The following RGPD3 variants were observed in gnomAD, a reference collection of about 807,000 sequenced individuals.
RGPD3 encodes the protein ranBP2-like and GRIP domain-containing protein 3.
A neutral mutation model predicts 154.5 loss-of-function variants in RGPD3; 62 were observed. The ratio of observed to expected loss-of-function variants is 0.40; its 90% confidence interval spans 0.33 to 0.50. The LOEUF (loss-of-function observed/expected upper bound fraction) is 0.50. Ranked by LOEUF, RGPD3 falls within the 20% of genes least tolerant of loss-of-function variation. The pLI, the probability that RGPD3 is intolerant of heterozygous loss-of-function variation, is 0.59. For missense variants in RGPD3, 919 were observed against 1,716.8 expected, an observed-to-expected ratio of 0.54 and a Z score of 8.21; for synonymous variants, 308 against 607.0, an observed-to-expected ratio of 0.51 and a Z score of 7.24.
intron 20 of RGPD3, among the ~76,000 whole-genome samples, chr2:106,418,496 G>A (rs1676881839): frequency 6.6e-6 from 1 of 152,064 alleles, no homozygotes; most frequent in African/African-American, 2.4e-5. Flanking sequence ...ACAGTTAAGA[G>A]CCCAGAATCC....
chr2:106,467,984 G>C (rs1678687915), intron 1 of RGPD3, among the ~76,000 whole-genome samples: 2 of 141,472 alleles, frequency 1.4e-5, no homozygotes, highest in Non-Finnish European at 3.1e-5. Context: ...GGGCCAGGTC[G>C]AGGCCGGCGC....
Position 106,415,835 on chromosome 2 carries a change from G to A in RGPD3, c.5064+15C>T, listed in dbSNP as rs1471835955. ...AACTGGCAGTTTTTATGGTGGCCAG[G>A]TTTTCTGATCTCACCTTAATTTGCT... On this transcript the variant is annotated intron_variant, in intron 21 of 22. Transcript: ENST00000409886. 4 of 1,611,742 alleles carry A rather than the reference G, an allele frequency of 2.5e-6. No individual in the cohort carries two copies. The highest frequency in any genetic ancestry group is 1.7e-5 in the Admixed American group (1 of 59,978).
At chr2:106,409,519 C>T (rs1676607870) in intron 22 of RGPD3, among the ~76,000 whole-genome samples, 1 of 152,124 alleles carries the variant, frequency 6.6e-6, no homozygotes, top group Non-Finnish European at 1.5e-5. Flanking sequence ...TACACCAATG[C>T]TGTTGAGAAG....
At position 106,424,524 on chromosome 2, in the gene RGPD3, G is replaced by C. The variant is rs1677119844; in HGVS notation, c.3443C>G (p.Ala1148Gly). 6.2e-7 allele frequency: 1 copy of C among 1,606,320 alleles called. No individual in the cohort carries two copies. The part of the protein sequence containing the change: ...SDGDAKLERL[A>G]AKFKTPELAE... ...CAGCTCTGGTGTTTTAAATTTTGCT[G>C]CCAATCGCTCTAGTTTGGCATCACC... Residue 1148 changes from alanine (A) to glycine (G), a missense_variant, in exon 20 of 23, where the codon GCA (alanine) becomes GGA (glycine). Ala to Gly is a moderately conservative substitution (Grantham distance 60). Coordinates refer to ENST00000409886, the MANE Select transcript of RGPD3 (RefSeq NM_001144013.2).
chr2:106,438,521 C>T (rs1222823180), intron 9 of RGPD3, among the ~76,000 whole-genome samples: 13 of 149,098 alleles, frequency 8.7e-5, no homozygotes, highest in African/African-American at 3.2e-4. Context: ...GTGGCTCACA[C>T]CTGTAATCCC....
chr2:106,463,845 A>T (rs1400812628), intron 1 of RGPD3, among the ~76,000 whole-genome samples: 1 of 152,114 alleles, frequency 6.6e-6, no homozygotes, highest in Admixed American at 6.6e-5. Context: ...ACAACATACA[A>T]GCAAACCAAA....
intron 1 of RGPD3, among the ~76,000 whole-genome samples, chr2:106,466,325 C>G (rs1273684157): frequency 6.6e-6 from 1 of 151,072 alleles, no homozygotes; most frequent in African/African-American, 2.4e-5. Context: ...GGGAGCAGCG[C>G]CCGTCAGGAG....
At position 106,441,384 on chromosome 2, in the gene RGPD3, A is replaced by G; in HGVS notation, c.979-4T>C. On this transcript the variant is annotated splice_region_variant and splice_polypyrimidine_tract_variant and intron_variant, in intron 7 of 22. Coordinates refer to ENST00000409886, the MANE Select transcript of RGPD3 (RefSeq NM_001144013.2). ...ATTTAATCTTTGGTCTTGGAACCTA[A>G]TAATTTTAGAATCAAAAATCTTAAT... 2.1e-6 allele frequency: 3 copies of G among 1,451,300 alleles called. No homozygotes were observed. The highest frequency in any genetic ancestry group is 2.8e-6 in the Non-Finnish European group (3 of 1,075,854). 89.9% of individuals were successfully genotyped at this position (1,451,300 alleles called of 1,614,324 possible).
At position 106,403,761 on chromosome 2, in the gene RGPD3, A is replaced by G. The variant is rs1676429757; in HGVS notation, c.*1458T>C. Among the ~76,000 whole-genome samples the G allele has an allele frequency of 2.0e-5, 3 of 152,280 alleles. No homozygotes were observed. Among genetic ancestry groups the G allele is most frequent in the Non-Finnish European group, 2.9e-5 (2 of 68,052 alleles). Reference sequence around the variant, plus strand: ...TTAGGTCTGTTCTTCTAAGGAGGAAAGACGAGATATATGAGATATTTTTTA... The same window carrying G: ...TTAGGTCTGTTCTTCTAAGGAGGAAGGACGAGATATATGAGATATTTTTTA... On this transcript the variant is annotated 3_prime_UTR_variant, in exon 23 of 23. Coordinates refer to ENST00000409886, the MANE Select transcript of RGPD3 (RefSeq NM_001144013.2).
chr2:106,413,880 G>A (rs549032466), intron 21 of RGPD3, among the ~76,000 whole-genome samples: 27 of 152,252 alleles, frequency 1.8e-4, no homozygotes, highest in African/African-American at 4.6e-4. Context: ...ACTAACTGGA[G>A]CCATGGGTTG....
intron 1 of RGPD3, among the ~76,000 whole-genome samples, chr2:106,467,259 G>A (rs866857614): frequency 0.015 from 24 of 1,638 alleles, 2 homozygotes; most frequent in East Asian, 0.1. Flanking sequence ...CCGCCGGGCC[G>A]GGTCGAGGCC....
At chr2:106,411,219 GGT>G (rs1425115297) in intron 22 of RGPD3, among the ~76,000 whole-genome samples, 1 of 134,618 alleles carries the variant, frequency 7.4e-6, no homozygotes, top group Non-Finnish European at 1.6e-5. Flanking sequence ...TAGTTATTAG[GGT>G]TTACAGGGGA....
At chr2:106,412,007 G>A (rs1357566439) in intron 22 of RGPD3, among the ~76,000 whole-genome samples, 1 of 147,518 alleles carries the variant, frequency 6.8e-6, no homozygotes, top group Non-Finnish European at 1.5e-5. Flanking sequence ...ATGATGTGTG[G>A]GATTTAAGTC....
chr2:106,415,900 G>A lies in RGPD3; in HGVS notation c.5014C>T (p.Leu1672=), dbSNP rs1676814309. The change falls in exon 21 of 23, where the codon CTG becomes TTG. Residue 1672 remains leucine, a synonymous_variant. Transcript: ENST00000409886. The stretch of plus-strand genomic sequence containing the variant: ...TTGGTTGCCTCTATTTCCCGAAGCA[G>A]GCCGTTTAAGTGATCTGCACTTTTT... The part of the protein sequence containing the change: ...TTKSADHLNG[L]LREIEATNAV... 3.1e-6 allele frequency: 5 copies of A among 1,611,694 alleles called. No individual in the cohort carries two copies. Among genetic ancestry groups the A allele is most frequent in the Non-Finnish European group, 4.2e-6 (5 of 1,179,828 alleles).
At chr2:106,464,816 AG>A (rs1478917794) in intron 1 of RGPD3, among the ~76,000 whole-genome samples, 1 of 152,030 alleles carries the variant, frequency 6.6e-6, no homozygotes, top group Non-Finnish European at 1.5e-5. Flanking sequence ...CTCTGCCTCC[AG>A]GGTTCAAGCA....
chr2:106,468,422 T>G, upstream of RGPD3: 1 of 1,505,726 alleles, frequency 6.6e-7, no homozygotes, highest in South Asian at 1.2e-5. Flanking sequence ...GTGACGAACT[T>G]GTGTCCTGCG....
intron 1 of RGPD3, among the ~76,000 whole-genome samples, chr2:106,464,652 T>C (rs2104523581): frequency 6.6e-6 from 1 of 151,966 alleles, no homozygotes; most frequent in African/African-American, 2.4e-5. Context: ...GAAACCGACT[T>C]GACAGAACAT....
At chr2:106,412,199 A>C (rs1161651666) in intron 22 of RGPD3, among the ~76,000 whole-genome samples, 266 of 145,672 alleles carry the variant, frequency 1.8e-3, no homozygotes, top group African/African-American at 5.5e-3. Context: ...AATTCAGTTA[A>C]CTATAGCAGT....
intron 21 of RGPD3, among the ~76,000 whole-genome samples, chr2:106,413,503 G>C (rs868241636): frequency 2.1e-4 from 32 of 152,260 alleles, no homozygotes; most frequent in Middle Eastern, 3.4e-3. Context: ...ATGAAAACCG[G>C]AACTCCAACT....
Sources: allele counts gnomAD v4.1 joint callset (sites outside exome capture counted in the v4.1 genomes callset), GRCh38; gene constraint gnomAD v4.1.1; transcripts MANE v1.5; gene names NCBI Gene and HGNC (gene_info 2026-07-23, HGNC 2026-07-21).